The following MAPK10 variants were observed in gnomAD, a reference collection of about 807,000 sequenced individuals.
MAPK10 encodes JNK3 alpha protein kinase.
MAPK10 carries 25 observed loss-of-function variants against 59.3 expected under a neutral mutation model. That is an observed-to-expected ratio of 0.42 (90% CI 0.31 to 0.59). The LOEUF is 0.59. Among genes scored for constraint, MAPK10 ranks in the 20% least tolerant of loss-of-function variants. The pLI is 0.15. For missense variants in MAPK10, 351 were observed against 568.9 expected, an observed-to-expected ratio of 0.62 and a Z score of 3.90; for synonymous variants, 190 against 200.5, an observed-to-expected ratio of 0.95 and a Z score of 0.44.
chr4:86,563,855 G>A (rs1398320145), intron 1 of MAPK10, among the ~76,000 whole-genome samples: 2 of 151,840 alleles, frequency 1.3e-5, no homozygotes, highest in Non-Finnish European at 2.9e-5. Context: ...TTTTTGAGAC[G>A]GAGTCTCATT....
At chr4:86,087,873 T>A (rs917469339) in intron 9 of MAPK10, among the ~76,000 whole-genome samples, 1 of 152,082 alleles carries the variant, frequency 6.6e-6, no homozygotes, top group African/African-American at 2.4e-5. Flanking sequence ...TGATAAAAAA[T>A]TATAATGTAG....
At chr4:86,046,899 T>C (rs975686019) in intron 11 of MAPK10, among the ~76,000 whole-genome samples, 1 of 152,092 alleles carries the variant, frequency 6.6e-6, no homozygotes, top group African/African-American at 2.4e-5. Context: ...TCACTGTCTC[T>C]CTTTTTACGC....
At chr4:86,320,613 T>A (rs2095870022) in intron 2 of MAPK10, among the ~76,000 whole-genome samples, 1 of 152,222 alleles carries the variant, frequency 6.6e-6, no homozygotes, top group Admixed American at 6.5e-5. Flanking sequence ...AGGTTGCCTG[T>A]TCACTGTGAT....
At chr4:86,127,257 A>G (rs921695176) in intron 4 of MAPK10, among the ~76,000 whole-genome samples, 2 of 151,058 alleles carry the variant, frequency 1.3e-5, no homozygotes, top group African/African-American at 2.4e-5. Context: ...CCATAAGGGC[A>G]GGGACCATAT....
upstream of MAPK10, among the ~76,000 whole-genome samples, chr4:86,455,814 G>A (rs1417364939): frequency 1.3e-5 from 2 of 152,150 alleles, no homozygotes; most frequent in Non-Finnish European, 2.9e-5. Flanking sequence ...AGACTTAACA[G>A]ATATTTACAG....
chr4:86,053,834 G>A (rs1279627446), intron 11 of MAPK10, among the ~76,000 whole-genome samples: 2 of 151,934 alleles, frequency 1.3e-5, no homozygotes, highest in East Asian at 1.9e-4. Flanking sequence ...CAATATCTCA[G>A]ATATCACCTA....
chr4:86,208,026 C>A (rs1314239567), intron 2 of MAPK10, among the ~76,000 whole-genome samples: 4 of 151,982 alleles, frequency 2.6e-5, no homozygotes, highest in Non-Finnish European at 5.9e-5. Flanking sequence ...TACACTCTCC[C>A]AAGACTAAAC....
chr4:86,256,692 G>A (rs2093727017), intron 2 of MAPK10, among the ~76,000 whole-genome samples: 1 of 146,374 alleles, frequency 6.8e-6, no homozygotes, highest in Non-Finnish European at 1.5e-5. Context: ...CCAAATATCT[G>A]AACTTTATGT....
At chr4:86,029,025 T>C in intron 13 of MAPK10, 172 bp downstream of exon 13, 3 of 702,346 alleles carry the variant, frequency 4.3e-6, no homozygotes, top group East Asian at 2.7e-5. Context: ...TCAGAATGAA[T>C]GCCACACTGA....
chr4:86,167,567 T>C (rs879524620), intron 3 of MAPK10, among the ~76,000 whole-genome samples: 1 of 152,148 alleles, frequency 6.6e-6, no homozygotes, highest in African/African-American at 2.4e-5. Flanking sequence ...GTTCAACATA[T>C]GCAATCAATA....
At chr4:86,329,075 T>G (rs1003858584) in intron 2 of MAPK10, among the ~76,000 whole-genome samples, 1 of 152,174 alleles carries the variant, frequency 6.6e-6, no homozygotes, top group African/African-American at 2.4e-5. Context: ...CCCTTCTACC[T>G]TCTATGTGAG....
intron 9 of MAPK10, among the ~76,000 whole-genome samples, chr4:86,076,267 G>A (rs866805700): frequency 1.4e-4 from 22 of 152,044 alleles, no homozygotes; most frequent in Non-Finnish European, 2.9e-4. Context: ...CACGGTGCGC[G>A]CACCCACTGG....
chr4:86,583,310 A>T lies in MAPK10; in HGVS notation c.-263+10600T>A, dbSNP rs568825003. On this transcript the variant is annotated intron_variant, in intron 1 of 4. Coordinates refer to the MAPK10 transcript ENST00000502302. ...AGTGCTGGGATTACAGGCGTGAGTCACCACGCCTGGCCCCCATATATTTTC... is the reference window on the plus strand; with the variant it reads ...AGTGCTGGGATTACAGGCGTGAGTCTCCACGCCTGGCCCCCATATATTTTC... Among the ~76,000 whole-genome samples the T allele has an allele frequency of 3.8e-4, 58 of 152,154 alleles. No individual in the cohort carries two copies. The East Asian group carries it at 0.011, about 28-fold the overall frequency.
At chr4:86,507,647 T>C (rs1193983105) in intron 1 of MAPK10, among the ~76,000 whole-genome samples, 9 of 89,850 alleles carry the variant, frequency 1.0e-4, no homozygotes, top group Non-Finnish European at 1.8e-4. Flanking sequence ...TATATATATA[T>C]ATATATATAT....
intron 2 of MAPK10, among the ~76,000 whole-genome samples, chr4:86,199,893 G>T (rs949386530): frequency 3.9e-5 from 6 of 152,060 alleles, no homozygotes; most frequent in African/African-American, 1.2e-4. Context: ...CTCTTGAGGA[G>T]AAATGCTGAG....
chr4:86,288,283 C>A (rs919684067), intron 2 of MAPK10, among the ~76,000 whole-genome samples: 2 of 151,204 alleles, frequency 1.3e-5, no homozygotes, highest in African/African-American at 4.9e-5. Context: ...ATTAACTCGT[C>A]ATTTAGCATT....
upstream of MAPK10, among the ~76,000 whole-genome samples, chr4:86,456,488 C>T (rs1467499540): frequency 1.3e-5 from 2 of 152,022 alleles, no homozygotes; most frequent in South Asian, 4.2e-4. Flanking sequence ...ACAACTGACA[C>T]CACAGAAATA....
chr4:86,080,903 T>A (rs2050514952), intron 9 of MAPK10: 1 of 152,050 alleles, frequency 6.6e-6, no homozygotes, highest in Non-Finnish European at 1.5e-5. Flanking sequence ...GGATCTTTTT[T>A]TAAAGTTAGT....
At chr4:86,166,339 G>A (rs1177319209) in intron 3 of MAPK10, among the ~76,000 whole-genome samples, 1 of 152,062 alleles carries the variant, frequency 6.6e-6, no homozygotes, top group Non-Finnish European at 1.5e-5. Flanking sequence ...GTAGAATGAG[G>A]GCAATAATCT....
Sources: allele counts gnomAD v4.1 joint callset (sites outside exome capture counted in the v4.1 genomes callset), GRCh38; gene constraint gnomAD v4.1.1; transcripts MANE v1.5; gene names NCBI Gene and HGNC (gene_info 2026-07-23, HGNC 2026-07-21).